Variants in VPS13B observed in about 807,000 individuals in gnomAD.
VPS13B encodes intermembrane lipid transfer protein VPS13B.
Under a neutral mutation model 426.4 loss-of-function variants are expected in VPS13B, and 285 were observed. The ratio of observed to expected loss-of-function variants is 0.67; its 90% confidence interval spans 0.61 to 0.74. The LOEUF (loss-of-function observed/expected upper bound fraction) is 0.74, where lower values mean the gene tolerates loss of function less well. Ranked by LOEUF, VPS13B falls within the 30% of genes least tolerant of loss-of-function variation. The pLI, the probability that VPS13B is intolerant of heterozygous loss-of-function variation, is 0.00. For synonymous variants in VPS13B, 1,676 were observed against 1,676.4 expected (o/e 1.00, Z 0.01); for missense variants, 4,537 against 4,782.6 (o/e 0.95, Z 1.51).
chr8:99,079,567 AT>A (rs770680925), intron 3 of VPS13B, among the ~76,000 whole-genome samples: 3 of 151,986 alleles, frequency 2.0e-5, no homozygotes, highest in Non-Finnish European at 4.4e-5. Flanking sequence ...CCTACTATGA[AT>A]TTTTTTTATT....
chr8:99,015,833 G>A (rs1468397076), intron 2 of VPS13B, among the ~76,000 whole-genome samples: 2 of 152,068 alleles, frequency 1.3e-5, no homozygotes, highest in African/African-American at 4.8e-5. Context: ...AACCCGGGAG[G>A]TGGAGGTTGC....
chr8:99,273,121 C>T (rs992332461), intron 17 of VPS13B, among the ~76,000 whole-genome samples: 1 of 150,940 alleles, frequency 6.6e-6, no homozygotes, highest in Admixed American at 6.6e-5. Flanking sequence ...CTCATTTCAC[C>T]TGACCAAAAT....
chr8:99,418,883 G>C (rs1816223872), intron 21 of VPS13B, among the ~76,000 whole-genome samples: 1 of 152,216 alleles, frequency 6.6e-6, no homozygotes, highest in Non-Finnish European at 1.5e-5. Context: ...TAGATGGCTT[G>C]GTGTTCACCA....
intron 39 of VPS13B, among the ~76,000 whole-genome samples, chr8:99,750,601 C>T (rs755362141): frequency 1.7e-4 from 26 of 152,042 alleles, no homozygotes; most frequent in Non-Finnish European, 2.9e-4. Flanking sequence ...TGTAGCACTT[C>T]TGGAGAGGGT....
rs144021804 is a variant in VPS13B at position 99,059,281 on chromosome 8, C to T, written c.291+20715C>T. On this transcript the variant is annotated intron_variant, in intron 3 of 61. Coordinates refer to ENST00000357162, the MANE Select transcript of VPS13B (RefSeq NM_152564.5). ...TGTCCCAAGTAGCTGGTACTACAGG[C>T]GGAAGCCACCAATGCCCGGCTAATT... 7.7e-3 allele frequency among the ~76,000 whole-genome samples: 1,173 copies of T among 152,220 alleles called. 17 individuals carry two copies. The highest frequency in any genetic ancestry group is 0.027 in the African/African-American group (1,135 of 41,538).
Position 99,720,900 on chromosome 8 carries a change from T to A in VPS13B, c.6903T>A (p.Phe2301Leu). 6.2e-7 allele frequency: 1 copy of A among 1,614,020 alleles called. No homozygotes were observed. The highest frequency in any genetic ancestry group is 8.5e-7 in the Non-Finnish European group (1 of 1,179,936). The part of the protein sequence containing the change: ...LKLPGVYEVL[F>L]YNETEDCPGM... Reference sequence around the variant, plus strand: ...TGCCTGGGGTCTATGAAGTCTTATTTTATAATGAAACTGAAGATTGCCCAG... The same window carrying A: ...TGCCTGGGGTCTATGAAGTCTTATTATATAATGAAACTGAAGATTGCCCAG... Residue 2301 changes from phenylalanine (F) to leucine (L), a missense_variant, in exon 39 of 62, where the codon TTT (phenylalanine) becomes TTA (leucine). Phe to Leu is a conservative substitution (Grantham distance 22). Around this residue, in one of 2 missense-constraint regions of VPS13B, gnomAD observed 4,311 missense variants for 4,474.3 expected, o/e 0.96. Transcript: ENST00000357162.
At chr8:99,686,322 A>G (rs531037882) in intron 35 of VPS13B, among the ~76,000 whole-genome samples, 54 of 152,278 alleles carry the variant, frequency 3.5e-4, no homozygotes, top group African/African-American at 1.3e-3. Context: ...CCCGAAGCCA[A>G]CACAGCACTG....
intron 19 of VPS13B, among the ~76,000 whole-genome samples, chr8:99,343,911 G>A (rs1270455399): frequency 6.6e-6 from 1 of 152,176 alleles, no homozygotes; most frequent in African/African-American, 2.4e-5. Flanking sequence ...ACGATTTACA[G>A]ATTAGTGCAA....
chr8:99,324,539 A>G (rs568215496), intron 19 of VPS13B, among the ~76,000 whole-genome samples: 1 of 152,212 alleles, frequency 6.6e-6, no homozygotes, highest in African/African-American at 2.4e-5. Context: ...TCTAGATTGT[A>G]TCAAAGCAGC....
intron 25 of VPS13B, among the ~76,000 whole-genome samples, chr8:99,482,739 G>GTT (rs1349194817): frequency 6.6e-6 from 1 of 152,124 alleles, no homozygotes; most frequent in Admixed American, 6.6e-5. Flanking sequence ...AGAAAAAAGT[G>GTT]TTTAGATTTG....
intron 39 of VPS13B, 74 bp downstream of exon 39, chr8:99,721,121 G>C: frequency 6.8e-7 from 1 of 1,468,370 alleles, no homozygotes. Flanking sequence ...AAAAATGTTT[G>C]GAACATACTT....
intron 3 of VPS13B, among the ~76,000 whole-genome samples, chr8:99,079,980 T>C (rs2132363940): frequency 6.6e-6 from 1 of 151,232 alleles, no homozygotes; most frequent in South Asian, 2.1e-4. Flanking sequence ...CAAGTTTTTT[T>C]AGTTTTCTTA....
At chr8:99,383,982 A>T (rs1318053026) in intron 19 of VPS13B, among the ~76,000 whole-genome samples, 2 of 152,198 alleles carry the variant, frequency 1.3e-5, no homozygotes. Flanking sequence ...TCAAAAAGAC[A>T]TATAGTTGCA....
intron 34 of VPS13B, among the ~76,000 whole-genome samples, chr8:99,648,276 A>C (rs181344898): frequency 1.3e-5 from 2 of 152,326 alleles, no homozygotes; most frequent in African/African-American, 4.8e-5. Flanking sequence ...TTGAAGGTTT[A>C]GCAGAATAAA....
intron 17 of VPS13B, among the ~76,000 whole-genome samples, chr8:99,269,728 G>A (rs1043894406): frequency 1.3e-5 from 2 of 152,130 alleles, no homozygotes; most frequent in African/African-American, 4.8e-5. Flanking sequence ...GTATTCCTGT[G>A]AGTGGTGCCC....
intron 39 of VPS13B, among the ~76,000 whole-genome samples, chr8:99,766,285 C>T (rs191236189): frequency 7.4e-4 from 112 of 151,708 alleles, no homozygotes; most frequent in African/African-American, 2.6e-3. Flanking sequence ...GGTTTCACCA[C>T]GTTGGCCAGG....
intron 19 of VPS13B, among the ~76,000 whole-genome samples, chr8:99,333,323 C>T (rs547389619): frequency 6.6e-4 from 100 of 151,788 alleles, no homozygotes; most frequent in African/African-American, 2.3e-3. Flanking sequence ...TTTAATGAAA[C>T]ATTTTCTTTT....
chr8:99,218,480 G>A (rs1815507661), intron 17 of VPS13B, among the ~76,000 whole-genome samples: 1 of 152,146 alleles, frequency 6.6e-6, no homozygotes, highest in Non-Finnish European at 1.5e-5. Context: ...GTGGAGTTTT[G>A]TGTTTCAGTT....
intron 16 of VPS13B, among the ~76,000 whole-genome samples, chr8:99,177,717 A>C (rs539105267): frequency 3.3e-5 from 5 of 152,364 alleles, no homozygotes; most frequent in African/African-American, 1.2e-4. Context: ...TTTTAAACTT[A>C]GTAAAATAGT....
Sources: allele counts gnomAD v4.1 joint callset (sites outside exome capture counted in the v4.1 genomes callset), GRCh38; gene constraint gnomAD v4.1.1; regional missense constraint gnomAD v4.1.1; transcripts MANE v1.5; gene names NCBI Gene and HGNC (gene_info 2026-07-23, HGNC 2026-07-21).